Variants in GSR observed in about 807,000 individuals in gnomAD.
GSR encodes glutathione-disulfide reductase, also known as glutathione reductase, mitochondrial.
Under a neutral mutation model 56.5 loss-of-function variants are expected in GSR, and 48 were observed. The ratio of observed to expected loss-of-function variants is 0.85; its 90% CI spans 0.67 to 1.08. The LOEUF (loss-of-function observed/expected upper bound fraction) is 1.08. GSR is among the 50% of genes least tolerant of loss of function. The pLI is 0.00. For synonymous variants in GSR, 264 were observed against 270.8 expected, an observed-to-expected ratio of 0.97 and a Z score of 0.25; for missense variants, 694 against 703.3, an observed-to-expected ratio of 0.99 and a Z score of 0.15.
intron 6 of GSR, 107 bp downstream of exon 6, chr8:30,699,974 A>G: frequency 6.1e-6 from 5 of 814,218 alleles, no homozygotes; most frequent in Non-Finnish European, 8.9e-6. Flanking sequence ...AAGAGGAGGG[A>G]ATTCAGGAAA....
chr8:30,700,235 C>T (rs1803684201), intron 5 of GSR, 100 bp from the exon 6 acceptor site: 13 of 874,508 alleles, frequency 1.5e-5, no homozygotes, highest in Non-Finnish European at 2.3e-5. Flanking sequence ...TCACAGCCAA[C>T]ATAGTCTCCG....
chr8:30,720,237 C>T (rs748917517), intron 1 of GSR, among the ~76,000 whole-genome samples: 17 of 151,988 alleles, frequency 1.1e-4, no homozygotes, highest in Non-Finnish European at 1.9e-4. Flanking sequence ...AACTTCCTTC[C>T]TCTGGTTCCC....
At chr8:30,692,064 A>G (rs1803397784) in intron 8 of GSR, among the ~76,000 whole-genome samples, 2 of 151,300 alleles carry the variant, frequency 1.3e-5, no homozygotes, top group African/African-American at 4.9e-5. Flanking sequence ...GATTGCACCA[A>G]TGCACTCCAG....
intron 6 of GSR, among the ~76,000 whole-genome samples, chr8:30,699,584 C>A (rs890936339): frequency 6.6e-6 from 1 of 151,950 alleles, no homozygotes; most frequent in African/African-American, 2.4e-5. Flanking sequence ...GCTGAGACTA[C>A]AGGCCCACAC....
Position 30,709,823 on chromosome 8 carries a change from A to C in GSR, c.413T>G (p.Phe138Cys). The C allele has an allele frequency of 6.4e-7, 1 of 1,563,742 alleles. No individual in the cohort carries two copies. Among genetic ancestry groups the C allele is most frequent in the South Asian group, 1.1e-5 (1 of 90,120 alleles). Residue 138 changes from phenylalanine to cysteine, a missense_variant, in exon 3 of 13, where the codon TTC becomes TGC. Coordinates refer to ENST00000221130, the MANE Select transcript of GSR (RefSeq NM_000637.5). Reference sequence around the variant, plus strand: ...GAGTGTTGACACTTACCGCCAATTGAATTTACCCTCACAACTTGGAAAGCC... The same window carrying C: ...GAGTGTTGACACTTACCGCCAATTGCATTTACCCTCACAACTTGGAAAGCC... ...DYGFPSCEGK[F>C]NWRVIKEKRD...
At chr8:30,689,982 GTA>G (rs377006110) in intron 8 of GSR, among the ~76,000 whole-genome samples, 3,673 of 124,618 alleles carry the variant, frequency 0.029, 81 homozygotes, top group Non-Finnish European at 0.034. Context: ...ATATATAAAT[GTA>G]TATATATGTA....
At chr8:30,702,623 T>G (rs1283196856) in intron 5 of GSR, among the ~76,000 whole-genome samples, 1 of 152,128 alleles carries the variant, frequency 6.6e-6, no homozygotes, top group Non-Finnish European at 1.5e-5. Flanking sequence ...CTCTGTTACC[T>G]GCAATATGTC....
At chr8:30,687,675 CA>C (rs970671043) in intron 9 of GSR, 2 of 151,844 alleles carry the variant, frequency 1.3e-5, no homozygotes, top group Non-Finnish European at 2.9e-5. Context: ...AACAAACAAA[CA>C]AAAAAACCCA....
At chr8:30,703,028 T>G in intron 5 of GSR, 65 bp downstream of exon 5, 1 of 1,541,936 alleles carries the variant, frequency 6.5e-7, no homozygotes, top group East Asian at 2.2e-5. Context: ...CTGGCATGGC[T>G]TTTCAGGTTG....
At chr8:30,701,469 A>AACAG (rs1486354002) in intron 5 of GSR, among the ~76,000 whole-genome samples, 1 of 149,300 alleles carries the variant, frequency 6.7e-6, no homozygotes, top group Non-Finnish European at 1.5e-5. Context: ...TCTGTCTCTG[A>AACAG]ACAAACAAAC....
intron 10 of GSR, 106 bp downstream of exon 10, chr8:30,683,982 T>G: frequency 1.3e-6 from 1 of 777,250 alleles, no homozygotes; most frequent in East Asian, 2.4e-5. Flanking sequence ...ATAAAGACAC[T>G]CATCCTTTTA....
In GSR at chr8:30,703,239, G is replaced by A; in HGVS notation, c.494C>T (p.Ser165Phe). Residue 165 changes from serine (S) to phenylalanine (F), a missense_variant and splice_region_variant, in exon 5 of 13, where the codon TCC becomes TTC. Ser to Phe is a radical substitution (Grantham distance 155). Coordinates refer to ENST00000221130, the MANE Select transcript of GSR (RefSeq NM_000637.5). Reference protein sequence around the residue: ...NAIYQNNLTKSHIEIIRGHAA... With the variant: ...NAIYQNNLTKFHIEIIRGHAA... ...ATGGCCACGGATGATTTCTATATGGGACTAAAGAAGGAACCATGACATTAG... is the reference window on the plus strand; with the variant it reads ...ATGGCCACGGATGATTTCTATATGGAACTAAAGAAGGAACCATGACATTAG... The A allele has an allele frequency of 6.2e-7, 1 of 1,613,400 alleles. No individual in the cohort carries two copies. The highest frequency in any genetic ancestry group is 8.5e-7 in the Non-Finnish European group (1 of 1,179,362).
intron 9 of GSR, among the ~76,000 whole-genome samples, chr8:30,685,379 C>A (rs148628015): frequency 0.018 from 2,766 of 152,194 alleles, 96 homozygotes; most frequent in African/African-American, 0.063. Flanking sequence ...GTGTGAGCCA[C>A]CATGCCTGGC....
intron 9 of GSR, among the ~76,000 whole-genome samples, chr8:30,684,542 G>A (rs1398483968): frequency 6.6e-6 from 1 of 152,104 alleles, no homozygotes; most frequent in Admixed American, 6.6e-5. Context: ...TAACATAAAA[G>A]GTAGTATTTT....
chr8:30,681,147 T>C, intron 11 of GSR, 110 bp from the exon 12 acceptor site: 1 of 885,412 alleles, frequency 1.1e-6, no homozygotes, highest in Non-Finnish European at 1.9e-6. Context: ...CACGAGGAAA[T>C]ATCAAACCAC....
At chr8:30,683,954 T>C (rs1457034253) in intron 10 of GSR, 134 bp downstream of exon 10, 4 of 745,564 alleles carry the variant, frequency 5.4e-6, no homozygotes, top group African/African-American at 1.7e-5. Flanking sequence ...TTTCAACACA[T>C]TGTACCATTT....
At position 30,679,309 on chromosome 8, in the gene GSR, A is replaced by AAC; in HGVS notation, c.*210_*211insGT. The AAC allele has an allele frequency of 1.7e-6, 1 of 595,022 alleles. No homozygotes were observed. Among genetic ancestry groups the AAC allele is most frequent in the Non-Finnish European group, 3.0e-6 (1 of 337,756 alleles). The allele number at this position is 595,022 out of a possible 1,614,324, so 36.9% of individuals were successfully genotyped here. ...AAACTTGAAAATATTAATTACTGTGAGATGTGATCAAATGAAAATCAATCC... is the reference window on the plus strand; with the variant it reads ...AAACTTGAAAATATTAATTACTGTGAACGATGTGATCAAATGAAAATCAATCC... On this transcript the variant is annotated 3_prime_UTR_variant, in exon 13 of 13. Coordinates refer to ENST00000221130, the MANE Select transcript of GSR (RefSeq NM_000637.5).
chr8:30,695,519 G>T (rs907651341), intron 7 of GSR, among the ~76,000 whole-genome samples: 1 of 152,146 alleles, frequency 6.6e-6, no homozygotes, highest in South Asian at 2.1e-4. Context: ...AGAGGCGTGA[G>T]CCACTGTGCC....
intron 9 of GSR, among the ~76,000 whole-genome samples, chr8:30,686,732 T>G (rs1803175375): frequency 6.6e-6 from 1 of 152,096 alleles, no homozygotes; most frequent in Non-Finnish European, 1.5e-5. Context: ...AGTTGAAAAC[T>G]GGACCTATCA....
Sources: gnomAD v4.1 joint callset for allele counts (sites outside exome capture counted in the v4.1 genomes callset) on GRCh38, gnomAD v4.1.1 for gene constraint, MANE v1.5 for transcripts, NCBI Gene and HGNC (gene_info 2026-07-23, HGNC 2026-07-21) for gene names.